The following CRTC1 variants were observed in gnomAD, a reference collection of about 807,000 sequenced individuals.
CRTC1 encodes the protein CREB-regulated transcription coactivator 1.
Under a neutral mutation model 66.1 loss-of-function variants are expected in CRTC1, and 18 were observed. The ratio of observed to expected loss-of-function variants is 0.27; its 90% CI spans 0.19 to 0.40. The LOEUF (loss-of-function observed/expected upper bound fraction) is 0.40, where lower values mean the gene tolerates loss of function less well. Among genes scored for constraint, CRTC1 ranks in the 10% least tolerant of loss-of-function variants. The pLI is 1.00. For missense variants in CRTC1, 669 were observed against 887.9 expected, an observed-to-expected ratio of 0.75 and a Z score of 3.13; for synonymous variants, 416 against 398.8, an observed-to-expected ratio of 1.04 and a Z score of -0.51.
rs545547032 is a variant in CRTC1 at position 18,698,963 on chromosome 19, TA to T, written c.126+15136del. 8.0e-5 allele frequency among the ~76,000 whole-genome samples: 12 copies of T among 149,562 alleles called. No homozygotes were observed. The East Asian group carries it at 2.5e-3, about 31-fold the overall frequency. ...GCTCAGCAGGTGCATAATGTGTATT[TA>T]GCAGGTACTCAGCAGGCGTACCGTG... On this transcript the variant is annotated intron_variant, in intron 1 of 13. Coordinates refer to ENST00000321949, the MANE Select transcript of CRTC1 (RefSeq NM_015321.3).
intron 10 of CRTC1, among the ~76,000 whole-genome samples, chr19:18,770,147 A>G (rs564275680): frequency 7.4e-4 from 112 of 152,298 alleles, no homozygotes; most frequent in South Asian, 3.1e-3. Context: ...ACTGGCTCAG[A>G]CAGGTCAGGC....
intron 6 of CRTC1, among the ~76,000 whole-genome samples, chr19:18,755,109 C>A (rs1353022201): frequency 1.3e-5 from 2 of 151,894 alleles, no homozygotes; most frequent in Admixed American, 6.6e-5. Flanking sequence ...CTGCCTCAGC[C>A]TCCCGAGTAG....
chr19:18,747,829 G>A (rs1012470556), intron 4 of CRTC1, among the ~76,000 whole-genome samples: 5 of 152,152 alleles, frequency 3.3e-5, no homozygotes, highest in African/African-American at 1.2e-4. Context: ...TGTAATCCCA[G>A]CACTTTTGGA....
Position 18,778,304 on chromosome 19 carries a change from T to C in CRTC1, c.*922T>C, listed in dbSNP as rs1227105000. ...TTTCATTGTGGTTTTTTTTTCCTTT[T>C]AGTTTCTAGTTACATTTTGGTTGTA... On this transcript the variant is annotated 3_prime_UTR_variant, in exon 14 of 14. Transcript: ENST00000321949. The C allele has an allele frequency of 4.3e-6, 1 of 233,042 alleles. No individual in the cohort carries two copies. The highest frequency in any genetic ancestry group is 5.6e-5 in the Admixed American group (1 of 17,782). 14.4% of individuals were successfully genotyped at this position (233,042 alleles called of 1,614,324 possible).
intron 12 of CRTC1, 65 bp downstream of exon 12, chr19:18,775,051 T>C: frequency 6.7e-7 from 1 of 1,499,146 alleles, no homozygotes; most frequent in South Asian, 1.1e-5. Flanking sequence ...GGACCCTCGC[T>C]GGGACCCGGG....
At chr19:18,744,806 C>T (rs1265105836) in intron 2 of CRTC1, among the ~76,000 whole-genome samples, 1 of 152,132 alleles carries the variant, frequency 6.6e-6, no homozygotes, top group Non-Finnish European at 1.5e-5. Context: ...CATGCTGGAT[C>T]GAAGAAAGAC....
In CRTC1 at chr19:18,768,546, C is replaced by G; in HGVS notation, c.1073C>G (p.Ala358Gly). ...QQLPYAFFTQ[A>G]GSQQPPPQPQ... ...CTGCCCTACGCCTTCTTCACCCAGG[C>G]GGGCTCCCAGCAGCCACCGCCGCAG... The change falls in exon 10 of 14, where the codon GCG (alanine) becomes GGG (glycine). Residue 358 changes from alanine (A) to glycine (G), a missense_variant. By Grantham distance (60) the Ala-to-Gly change is moderately conservative. This residue lies in a region of CRTC1 where 241 missense variants were observed against 242.2 expected (regional missense o/e 0.99). Coordinates refer to ENST00000321949, the MANE Select transcript of CRTC1 (RefSeq NM_015321.3). This position sits in a 1 kb window ranked among gnomAD's most constrained non-coding sequence, Gnocchi z 5.6. 2 of 1,606,664 alleles carry G rather than the reference C, an allele frequency of 1.2e-6. No homozygotes were observed. Among genetic ancestry groups the G allele is most frequent in the Admixed American group, 1.7e-5 (1 of 59,726 alleles).
At chr19:18,702,610 C>T (rs922260407) in intron 1 of CRTC1, among the ~76,000 whole-genome samples, 35 of 151,308 alleles carry the variant, frequency 2.3e-4, no homozygotes, top group East Asian at 3.9e-4. Context: ...CTTGCCTCAC[C>T]GCAACCTCCA....
At chr19:18,744,262 C>G in intron 2 of CRTC1, 1 of 1,065,664 alleles carries the variant, frequency 9.4e-7, no homozygotes, top group Non-Finnish European at 1.3e-6. Context: ...GCGGCCGCCC[C>G]TGCGGCTCCC....
rs1271000064 is a variant in CRTC1, at chr19:18,747,121, G to A, written c.443+7G>A. 6.3e-7 allele frequency: 1 copy of A among 1,596,090 alleles called. No individual in the cohort carries two copies. Among genetic ancestry groups the A allele is most frequent in the Admixed American group, 1.7e-5 (1 of 59,124 alleles). On this transcript the variant is annotated splice_region_variant and intron_variant, in intron 4 of 13. Transcript: ENST00000321949. ...CGGACACCAGCTGGAGAAGGTCAGTGGCTGGACACCCCCCCCCCGCCCCCT... is the reference window on the plus strand; with the variant it reads ...CGGACACCAGCTGGAGAAGGTCAGTAGCTGGACACCCCCCCCCCGCCCCCT...
chr19:18,706,309 G>T (rs966632603), intron 1 of CRTC1, among the ~76,000 whole-genome samples: 1 of 139,848 alleles, frequency 7.2e-6, no homozygotes, highest in African/African-American at 2.7e-5. Flanking sequence ...GGTTCAAAGC[G>T]ATTCTCCTGC....
chr19:18,765,399 T>C lies in CRTC1; in HGVS notation c.887-5T>C. On this transcript the variant is annotated splice_region_variant and splice_polypyrimidine_tract_variant and intron_variant, in intron 8 of 13. Transcript: ENST00000321949. ...TGCTCTCCCTCCCTCCTACTTCCTC[T>C]CTAGGAATGAGCACACCTGGCTCCT... 3 of 1,610,178 alleles carry C rather than the reference T, an allele frequency of 1.9e-6. No individual in the cohort carries two copies. The highest frequency in any genetic ancestry group is 2.5e-6 in the Non-Finnish European group (3 of 1,177,924).
At chr19:18,731,044 A>G (rs2053877373) in intron 1 of CRTC1, among the ~76,000 whole-genome samples, 1 of 151,956 alleles carries the variant, frequency 6.6e-6, no homozygotes, top group Admixed American at 6.6e-5. Context: ...GAGTGGTACA[A>G]TCTTGGCTCA....
chr19:18,745,322 C>T (rs535314267), intron 2 of CRTC1, among the ~76,000 whole-genome samples: 132 of 152,200 alleles, frequency 8.7e-4, no homozygotes, highest in Non-Finnish European at 1.7e-3. Context: ...GGAAGCCTCC[C>T]AGGAACTCGC....
At chr19:18,745,441 C>T (rs114552542) in intron 2 of CRTC1, among the ~76,000 whole-genome samples, 3,063 of 152,272 alleles carry the variant, frequency 0.02, 105 homozygotes, top group African/African-American at 0.07. Flanking sequence ...CGTCCAGGCC[C>T]GGAGAGAGAG....
intron 1 of CRTC1, among the ~76,000 whole-genome samples, chr19:18,730,548 C>T (rs1320293791): frequency 6.6e-6 from 1 of 152,152 alleles, no homozygotes; most frequent in East Asian, 1.9e-4. Flanking sequence ...TGGGCTTCAT[C>T]TGCACCCTCC....
chr19:18,683,790 GA>G lies in CRTC1; in HGVS notation c.89del (p.Glu30GlyfsTer3). 7.2e-7 allele frequency: 1 copy of G among 1,387,382 alleles called. No homozygotes were observed. The highest frequency in any genetic ancestry group is 3.4e-5 in the East Asian group (1 of 29,170). The allele number at this position is 1,387,382 out of a possible 1,614,324, so 85.9% of individuals were successfully genotyped here. ...GGCGGAGGAGACGGCGGCCTTCGAGGAGGTCATGAAGGACCTGAGCCTGACG... is the reference window on the plus strand; with the variant it reads ...GGCGGAGGAGACGGCGGCCTTCGAGGGGTCATGAAGGACCTGAGCCTGACG... Reference protein sequence around the residue: ...KQAEETAAFEEVMKDLSLTRA... With the variant: ...KQAEETAAFEXVMKDLSLTRA... On this transcript the variant is annotated frameshift_variant, in exon 1 of 14. Coordinates refer to ENST00000321949, the MANE Select transcript of CRTC1 (RefSeq NM_015321.3). LOFTEE classifies it high-confidence loss of function.
At chr19:18,719,651 A>C (rs2053578798) in intron 1 of CRTC1, among the ~76,000 whole-genome samples, 1 of 152,174 alleles carries the variant, frequency 6.6e-6, no homozygotes, top group African/African-American at 2.4e-5. Context: ...GACCCCAAGC[A>C]AGCCCTGTGT....
At chr19:18,687,420 C>T (rs1264969925) in intron 1 of CRTC1, among the ~76,000 whole-genome samples, 1 of 152,194 alleles carries the variant, frequency 6.6e-6, no homozygotes. Flanking sequence ...TTGCTCCCAC[C>T]TATATGGCTG....
Sources: allele counts gnomAD v4.1 joint callset (sites outside exome capture counted in the v4.1 genomes callset), GRCh38; gene constraint gnomAD v4.1.1; regional missense constraint gnomAD v4.1.1; non-coding constraint Gnocchi (gnomAD v3.1); transcripts MANE v1.5; gene names NCBI Gene and HGNC (gene_info 2026-07-23, HGNC 2026-07-21).